The following UHRF2 variants were observed in gnomAD, a reference collection of about 807,000 sequenced individuals.
UHRF2 encodes ubiquitin like with PHD and ring finger domains 2.
A neutral mutation model predicts 96.8 loss-of-function variants in UHRF2; 23 were observed. The ratio of observed to expected loss-of-function variants is 0.24; its 90% CI spans 0.17 to 0.34. The LOEUF (loss-of-function observed/expected upper bound fraction) is 0.34, where lower values mean the gene tolerates loss of function less well. Ranked by LOEUF, UHRF2 falls within the 10% of genes least tolerant of loss-of-function variation. The pLI, the probability that UHRF2 is intolerant of heterozygous loss-of-function variation, is 1.00. For synonymous variants in UHRF2, 385 were observed against 332.6 expected (o/e 1.16, Z -1.72); for missense variants, 685 against 981.5 (o/e 0.70, Z 4.04).
chr9:6,485,137 T>A (rs922253949), intron 8 of UHRF2, among the ~76,000 whole-genome samples: 1 of 152,198 alleles, frequency 6.6e-6, no homozygotes, highest in Non-Finnish European at 1.5e-5. Context: ...AGTTTAATAC[T>A]CTCTGTGTTC....
chr9:6,472,006 A>T lies in UHRF2; in HGVS notation c.864-3385A>T, dbSNP rs546301631. Among the ~76,000 whole-genome samples the T allele has an allele frequency of 8.5e-5, 13 of 152,362 alleles. No homozygotes were observed. The South Asian group carries it at 2.3e-3, about 27-fold the overall frequency. ...TTTTGAGGTATAACTTACATACAGTAATATGTACTTACCCTTAAGTGTATC... is the reference window on the plus strand; with the variant it reads ...TTTTGAGGTATAACTTACATACAGTTATATGTACTTACCCTTAAGTGTATC... On this transcript the variant is annotated intron_variant, in intron 4 of 15. Transcript: ENST00000276893.
Position 6,477,694 on chromosome 9 carries a change from T to C in UHRF2, c.1046T>C (p.Val349Ala). ...AAATGTCATTCTTGCTCCTGTCGTG[T>C]ATGTGGTGGGAAACATGAACCCAAC... ...EKKCHSCSCR[V>A]CGGKHEPNMQ... The change falls in exon 6 of 16, where the codon GTA (valine) becomes GCA (alanine). Residue 349 changes from valine to alanine, a missense_variant. By Grantham distance (64) the Val-to-Ala change is moderately conservative (BLOSUM62 0). Transcript: ENST00000276893. 1 of 1,614,180 alleles carries C rather than the reference T, an allele frequency of 6.2e-7. No homozygotes were observed. Among genetic ancestry groups the C allele is most frequent in the Non-Finnish European group, 8.5e-7 (1 of 1,180,018 alleles).
chr9:6,470,660 T>C (rs1823190534), intron 4 of UHRF2, among the ~76,000 whole-genome samples: 1 of 152,256 alleles, frequency 6.6e-6, no homozygotes, highest in South Asian at 2.1e-4. Context: ...GTGACAACAA[T>C]AATGCAGAAG....
At chr9:6,478,088 G>T (rs1262075666) in intron 6 of UHRF2, among the ~76,000 whole-genome samples, 2 of 152,138 alleles carry the variant, frequency 1.3e-5, no homozygotes, top group African/African-American at 2.4e-5. Context: ...GCTTCAGATG[G>T]TTTATGTTGC....
At chr9:6,455,386 G>C (rs1360566289) in intron 3 of UHRF2, among the ~76,000 whole-genome samples, 2 of 152,132 alleles carry the variant, frequency 1.3e-5, no homozygotes, top group East Asian at 1.9e-4. Flanking sequence ...AGAGCATGCG[G>C]TGTTTGGTTT....
At chr9:6,417,055 A>G (rs1256132084) in intron 1 of UHRF2, among the ~76,000 whole-genome samples, 1 of 152,168 alleles carries the variant, frequency 6.6e-6, no homozygotes, top group Non-Finnish European at 1.5e-5. Context: ...TATATAACAT[A>G]TATAATACAC....
At chr9:6,469,333 C>T (rs1016545159) in intron 4 of UHRF2, among the ~76,000 whole-genome samples, 1 of 152,030 alleles carries the variant, frequency 6.6e-6, no homozygotes, top group African/African-American at 2.4e-5. Context: ...TCCTGGCCAA[C>T]ATAGTGAAAC....
intron 10 of UHRF2, chr9:6,496,227 C>T (rs1330056515): frequency 6.6e-6 from 1 of 152,008 alleles, no homozygotes; most frequent in African/African-American, 2.4e-5. Context: ...CTGCTTTCAC[C>T]AGATTGGGTA....
At chr9:6,493,104 C>T (rs1258610129) in intron 9 of UHRF2, among the ~76,000 whole-genome samples, 1 of 152,038 alleles carries the variant, frequency 6.6e-6, no homozygotes, top group African/African-American at 2.4e-5. Flanking sequence ...TGGAGACCAA[C>T]ATGGCCAACA....
intron 3 of UHRF2, among the ~76,000 whole-genome samples, chr9:6,448,089 C>T (rs1033498222): frequency 8.5e-5 from 13 of 152,110 alleles, no homozygotes; most frequent in Admixed American, 4.6e-4. Context: ...AGGCGTAAAG[C>T]CTACAAAGCC....
chr9:6,475,330 T>G, intron 4 of UHRF2, 61 bp from the exon 5 acceptor site: 1 of 993,552 alleles, frequency 1.0e-6, no homozygotes, highest in Non-Finnish European at 1.4e-6. Context: ...CTTTTAATTA[T>G]TATTTGTATA....
intron 8 of UHRF2, among the ~76,000 whole-genome samples, chr9:6,486,143 G>T (rs1420668990): frequency 6.6e-6 from 1 of 152,146 alleles, no homozygotes; most frequent in Non-Finnish European, 1.5e-5. Context: ...TATATTTTAA[G>T]AAGTTGAAAG....
At chr9:6,429,574 A>G (rs1311252049) in intron 2 of UHRF2, among the ~76,000 whole-genome samples, 3 of 152,088 alleles carry the variant, frequency 2.0e-5, no homozygotes, top group Non-Finnish European at 4.4e-5. Context: ...CAGGTGCTCC[A>G]CCTGCCTCGG....
intron 2 of UHRF2, among the ~76,000 whole-genome samples, chr9:6,428,737 C>T (rs996532091): frequency 1.1e-4 from 16 of 151,928 alleles, no homozygotes; most frequent in African/African-American, 3.9e-4. Flanking sequence ...TTCGTAGAGA[C>T]AGAGTTTCAC....
intron 1 of UHRF2, among the ~76,000 whole-genome samples, chr9:6,418,486 G>T (rs530353481): frequency 6.6e-6 from 1 of 151,958 alleles, no homozygotes; most frequent in South Asian, 2.1e-4. Context: ...GATTGTGCTT[G>T]TTGGGTTCTT....
chr9:6,431,823 G>A (rs1174177259), intron 2 of UHRF2, among the ~76,000 whole-genome samples: 5 of 152,180 alleles, frequency 3.3e-5, no homozygotes, highest in Non-Finnish European at 7.3e-5. Context: ...GCCGCCTCGT[G>A]TTCCTTAGTA....
chr9:6,452,043 C>G (rs957424492), intron 3 of UHRF2, among the ~76,000 whole-genome samples: 5 of 151,788 alleles, frequency 3.3e-5, no homozygotes, highest in Non-Finnish European at 7.4e-5. Flanking sequence ...TACATATATA[C>G]ACTAGATAGA....
intron 6 of UHRF2, 134 bp downstream of exon 6, chr9:6,477,942 G>GCA (rs1823684353): frequency 2.9e-6 from 2 of 696,410 alleles, no homozygotes; most frequent in South Asian, 4.7e-5. Context: ...TGGTTACTTA[G>GCA]CATTCATAGC....
chr9:6,496,302 C>T (rs1056055068), intron 10 of UHRF2: 2 of 151,918 alleles, frequency 1.3e-5, no homozygotes, highest in Non-Finnish European at 1.5e-5. Context: ...TCACTTAAGA[C>T]GTAGGTGTCC....
Sources: allele counts gnomAD v4.1 joint callset (sites outside exome capture counted in the v4.1 genomes callset), GRCh38; gene constraint gnomAD v4.1.1; transcripts MANE v1.5; gene names NCBI Gene and HGNC (gene_info 2026-07-23, HGNC 2026-07-21).